CCDC171: variants seen among roughly 807,000 people sequenced by gnomAD.
The protein encoded by CCDC171 is coiled-coil domain containing 171.
CCDC171 carries 177 observed loss-of-function variants against 168.2 expected under a neutral mutation model. The ratio of observed to expected loss-of-function variants is 1.05; its 90% CI spans 0.93 to 1.19. CCDC171 has a LOEUF of 1.19. CCDC171 is among the 50% of genes most tolerant of loss of function. The probability of loss-of-function intolerance (pLI) is 0.00; values close to 1 mark genes in which losing one functional copy is unlikely to be tolerated. For synonymous variants in CCDC171, 687 were observed against 540.8 expected (o/e 1.27, Z -3.75); for missense variants, 1,991 against 1,539.0 (o/e 1.29, Z -4.91).
rs149284169 is a variant in CCDC171, at chr9:15,663,410, T to C, written c.916-2753T>C. On this transcript the variant is annotated intron_variant, in intron 8 of 25. Transcript: ENST00000380701. ...GTTAAAAAATTAAAACAATATTAGATCAAGAGTTCTTGCTTTATTCTTGTC... is the reference window on the plus strand; with the variant it reads ...GTTAAAAAATTAAAACAATATTAGACCAAGAGTTCTTGCTTTATTCTTGTC... Among the ~76,000 whole-genome samples the C allele has an allele frequency of 3.5e-4, 53 of 152,234 alleles. No individual in the cohort carries two copies. The East Asian group carries it at 7.1e-3, about 20-fold the overall frequency.
chr9:15,560,066 C>T (rs1299889993), intron 1 of CCDC171, among the ~76,000 whole-genome samples: 1 of 152,176 alleles, frequency 6.6e-6, no homozygotes, highest in Non-Finnish European at 1.5e-5. Context: ...GGCCCTCACT[C>T]TCTTCTGGCT....
rs569879734 is a variant in CCDC171 at position 15,934,034 on chromosome 9, T to C, written c.3753+13612T>C. 1.7e-4 allele frequency among the ~76,000 whole-genome samples: 26 copies of C among 152,100 alleles called. 1 individual carries two copies. The highest frequency in any genetic ancestry group is 1.7e-3 in the Admixed American group (26 of 15,238). On this transcript the variant is annotated intron_variant, in intron 25 of 25. Coordinates refer to ENST00000380701, the MANE Select transcript of CCDC171 (RefSeq NM_173550.4). ...TATAATTATATATCTGATTAATCCC[T>C]GATATCCATACTATGCAAAGAACTC...
chr9:15,623,466 C>CGCGCGCGCGT, intron 7 of CCDC171, 53 bp downstream of exon 7: 1 of 704,614 alleles, frequency 1.4e-6, no homozygotes, highest in South Asian at 2.0e-5. Context: ...TTCACATATG[C>CGCGCGCGCGT]GCGCGCGCGC....
chr9:15,855,889 A>G (rs188620048), intron 23 of CCDC171, among the ~76,000 whole-genome samples: 11 of 152,078 alleles, frequency 7.2e-5, no homozygotes, highest in Non-Finnish European at 1.3e-4. Context: ...CCGTCAACAT[A>G]GTTTATAATG....
intron 3 of CCDC171, among the ~76,000 whole-genome samples, chr9:16,007,100 C>G (rs2132970134): frequency 6.6e-6 from 1 of 152,278 alleles, no homozygotes; most frequent in East Asian, 1.9e-4. Context: ...CCCATTGTTT[C>G]CTGACTTTTT....
At chr9:16,036,920 G>A (rs1833481796) in intron 8 of CCDC171, among the ~76,000 whole-genome samples, 1 of 152,170 alleles carries the variant, frequency 6.6e-6, no homozygotes, top group Non-Finnish European at 1.5e-5. Context: ...GATAAGTCAG[G>A]CACAGAAAGA....
the CCDC171 span, among the ~76,000 whole-genome samples, chr9:16,105,037 A>C: frequency 1.3e-5 from 2 of 152,080 alleles, no homozygotes; most frequent in Non-Finnish European, 2.9e-5. Flanking sequence ...GCTCTTGATA[A>C]AGCCTGGCCC....
At chr9:15,613,067 A>G (rs1462254522) in intron 6 of CCDC171, among the ~76,000 whole-genome samples, 2 of 152,168 alleles carry the variant, frequency 1.3e-5, no homozygotes, top group Non-Finnish European at 2.9e-5. Context: ...TCTCTTGGGT[A>G]TATACTCAGT....
At chr9:15,662,814 A>T (rs1378721864) in intron 8 of CCDC171, among the ~76,000 whole-genome samples, 1 of 148,226 alleles carries the variant, frequency 6.7e-6, no homozygotes, top group African/African-American at 2.5e-5. Flanking sequence ...CATCTCTACT[A>T]AAAAAAAAAT....
chr9:15,914,968 G>A (rs1216889730), intron 24 of CCDC171, among the ~76,000 whole-genome samples: 1 of 152,020 alleles, frequency 6.6e-6, no homozygotes, highest in Non-Finnish European at 1.5e-5. Context: ...ACCCTCTGTG[G>A]GCTGTACCCA....
chr9:16,032,809 G>A (rs1351622423), intron 6 of CCDC171, among the ~76,000 whole-genome samples: 1 of 152,138 alleles, frequency 6.6e-6, no homozygotes, highest in Non-Finnish European at 1.5e-5. Flanking sequence ...TAAGGATAAG[G>A]ATTAGCTCCT....
At chr9:15,848,557 T>G (rs938891280) in intron 22 of CCDC171, among the ~76,000 whole-genome samples, 11 of 152,004 alleles carry the variant, frequency 7.2e-5, no homozygotes, top group Admixed American at 2.0e-4. Flanking sequence ...TTACAGCACA[T>G]TTTAAATGAT....
intron 7 of CCDC171, among the ~76,000 whole-genome samples, chr9:15,646,282 C>A (rs1032486063): frequency 3.3e-5 from 5 of 152,054 alleles, no homozygotes; most frequent in Non-Finnish European, 7.4e-5. Context: ...GATACGAGCC[C>A]CTGCAAAAAT....
In CCDC171 at chr9:15,820,732, A is replaced by T. The variant is rs2059737904; in HGVS notation, c.3268-25970A>T. On this transcript the variant is annotated intron_variant, in intron 21 of 25. Transcript: ENST00000380701. Reference sequence around the variant, plus strand: ...CCAAAAAAAGTCCAGGACCAGATGGATTCACAGCCGAATTCTACCAGAGGT... The same window carrying T: ...CCAAAAAAAGTCCAGGACCAGATGGTTTCACAGCCGAATTCTACCAGAGGT... Among the ~76,000 whole-genome samples, 3 of 117,570 alleles carry T rather than the reference A, an allele frequency of 2.6e-5. 1 individual carries two copies. The allele number at this position is 117,570 out of a possible 152,430, so 77.1% of individuals were successfully genotyped here.
intron 7 of CCDC171, among the ~76,000 whole-genome samples, chr9:15,648,173 A>G (rs2047200909): frequency 7.9e-5 from 12 of 152,240 alleles, no homozygotes; most frequent in Admixed American, 7.8e-4. Context: ...TAGATGCAGA[A>G]AAGGCCTTTG....
chr9:15,871,241 A>G (rs995548198), intron 23 of CCDC171, among the ~76,000 whole-genome samples: 2 of 151,916 alleles, frequency 1.3e-5, no homozygotes, highest in East Asian at 3.9e-4. Context: ...TATGTTAAAA[A>G]TGAGCTGTTA....
intron 6 of CCDC171, among the ~76,000 whole-genome samples, chr9:16,026,605 G>A (rs911193358): frequency 3.9e-5 from 6 of 152,104 alleles, no homozygotes; most frequent in Non-Finnish European, 5.9e-5. Flanking sequence ...AGAAATATTC[G>A]CTTCTGTCCA....
intron 16 of CCDC171, among the ~76,000 whole-genome samples, chr9:15,743,762 C>A (rs190908124): frequency 6.6e-6 from 1 of 152,310 alleles, no homozygotes; most frequent in African/African-American, 2.4e-5. Context: ...CCTTGAGAGA[C>A]AGTGCCTTCT....
chr9:15,719,556 G>A (rs1291456307), intron 11 of CCDC171, among the ~76,000 whole-genome samples: 5 of 151,864 alleles, frequency 3.3e-5, no homozygotes, highest in Admixed American at 3.3e-4. Context: ...ACCCAAAGAA[G>A]ACTCCCTCAA....
Sources: gnomAD v4.1 joint callset for allele counts (sites outside exome capture counted in the v4.1 genomes callset) on GRCh38, gnomAD v4.1.1 for gene constraint, MANE v1.5 for transcripts, NCBI Gene and HGNC (gene_info 2026-07-23, HGNC 2026-07-21) for gene names.